ELOVL2: variants seen among roughly 807,000 people sequenced by gnomAD.
The protein encoded by ELOVL2 is very long chain fatty acid elongase 2.
ELOVL2 carries 38 observed loss-of-function variants against 37.7 expected under a neutral mutation model. That is an observed-to-expected ratio of 1.01 (90% CI 0.78 to 1.32). The LOEUF (loss-of-function observed/expected upper bound fraction) is 1.32, where lower values mean the gene tolerates loss of function less well. ELOVL2 is among the 40% of genes most tolerant of loss of function. ELOVL2 has a pLI of 0.00. For synonymous variants in ELOVL2, 115 were observed against 122.3 expected, an observed-to-expected ratio of 0.94 and a Z score of 0.40; for missense variants, 352 against 363.6, an observed-to-expected ratio of 0.97 and a Z score of 0.26.
chr6:10,989,830 A>C lies in ELOVL2; in HGVS notation c.638T>G (p.Phe213Cys). Residue 213 changes from phenylalanine (F) to cysteine (C), a missense_variant, in exon 7 of 8, where the codon TTC (phenylalanine) becomes TGC (cysteine). By Grantham distance (205) the Phe-to-Cys change is radical. Transcript: ENST00000354666. Reference protein sequence around the residue: ...KYLTQAQLVQFVLTITHTMSA... With the variant: ...KYLTQAQLVQCVLTITHTMSA... ...CATGGTGTGCGTGATGGTGAGCACGAACTGCACCTGGGGACGGCAGAGAGG... is the reference window on the plus strand; with the variant it reads ...CATGGTGTGCGTGATGGTGAGCACGCACTGCACCTGGGGACGGCAGAGAGG... 2 of 1,614,166 alleles carry C rather than the reference A, an allele frequency of 1.2e-6. No homozygotes were observed. Among genetic ancestry groups the C allele is most frequent in the South Asian group, 2.2e-5 (2 of 91,080 alleles).
At chr6:11,039,209 T>C (rs982442143) in intron 1 of ELOVL2, among the ~76,000 whole-genome samples, 1 of 152,228 alleles carries the variant, frequency 6.6e-6, no homozygotes, top group Non-Finnish European at 1.5e-5. Flanking sequence ...GTAAACAGTG[T>C]CTCAAAGCAA....
intron 1 of ELOVL2, among the ~76,000 whole-genome samples, chr6:11,025,361 A>T (rs972069759): frequency 3.9e-5 from 6 of 152,224 alleles, no homozygotes; most frequent in Admixed American, 3.9e-4. Flanking sequence ...GCCAATGTCT[A>T]AAGTATGTAA....
intron 3 of ELOVL2, among the ~76,000 whole-genome samples, chr6:11,005,091 G>A (rs1473421127): frequency 6.6e-6 from 1 of 152,046 alleles, no homozygotes; most frequent in Non-Finnish European, 1.5e-5. Flanking sequence ...CCTGGGAGGC[G>A]GAGGCTGCAG....
chr6:11,032,142 T>C (rs1349121223), intron 1 of ELOVL2, among the ~76,000 whole-genome samples: 1 of 152,216 alleles, frequency 6.6e-6, no homozygotes, highest in Non-Finnish European at 1.5e-5. Context: ...TTCTGTGCTT[T>C]AGTTTTGTTA....
chr6:10,985,828 C>T (rs1157996495), intron 7 of ELOVL2, among the ~76,000 whole-genome samples: 1 of 152,088 alleles, frequency 6.6e-6, no homozygotes, highest in African/African-American at 2.4e-5. Context: ...CTTGGCGATG[C>T]AGGCTCTTTT....
At chr6:10,991,424 ATTGAT>A (rs899443472) in intron 5 of ELOVL2, among the ~76,000 whole-genome samples, 15 of 108,818 alleles carry the variant, frequency 1.4e-4, no homozygotes, top group African/African-American at 5.3e-4. Context: ...CCTTGGAGAC[ATTGAT>A]TTGACGTAAA....
At chr6:11,035,463 A>G (rs929162132) in intron 1 of ELOVL2, among the ~76,000 whole-genome samples, 4 of 152,110 alleles carry the variant, frequency 2.6e-5, no homozygotes, top group Non-Finnish European at 5.9e-5. Flanking sequence ...CCTTTCACAC[A>G]ATCGGTTTCA....
chr6:10,998,974 G>A lies in ELOVL2; in HGVS notation c.333+1113C>T, dbSNP rs115611994. Among the ~76,000 whole-genome samples the A allele has an allele frequency of 8.4e-3, 1,272 of 151,564 alleles. 24 individuals carry two copies. The highest frequency in any genetic ancestry group is 0.03 in the African/African-American group (1,225 of 41,290). Reference sequence around the variant, plus strand: ...TCTCTTTTTTTCCATGTTTCAAATCGAAGTGCCTACAGATATTAACATTAT... The same window carrying A: ...TCTCTTTTTTTCCATGTTTCAAATCAAAGTGCCTACAGATATTAACATTAT... On this transcript the variant is annotated intron_variant, in intron 4 of 7. Coordinates refer to ENST00000354666, the MANE Select transcript of ELOVL2 (RefSeq NM_017770.4).
At chr6:11,007,232 C>T (rs956822589) in intron 2 of ELOVL2, among the ~76,000 whole-genome samples, 1 of 152,188 alleles carries the variant, frequency 6.6e-6, no homozygotes, top group African/African-American at 2.4e-5. Context: ...GTGTCCCCCA[C>T]GAAGATGCCT....
At position 10,982,596 on chromosome 6, in the gene ELOVL2, A is replaced by G. The variant is rs1781958961; in HGVS notation, c.*1185T>C. On this transcript the variant is annotated 3_prime_UTR_variant, in exon 8 of 8. Transcript: ENST00000354666. ...GAAATACTCATTAATACTTTTGTCT[A>G]CTTTTGTGCTTGCTTCTCGGTAGAG... 1 of 152,124 alleles carries G rather than the reference A, an allele frequency of 6.6e-6. No individual in the cohort carries two copies. The allele number at this position is 152,124 out of a possible 1,614,324, so 9.4% of individuals were successfully genotyped here. A position where few individuals can be genotyped will look rare whatever the true frequency, so the allele number is the denominator to read the frequency against.
chr6:11,020,820 C>G (rs1355583723), intron 1 of ELOVL2, among the ~76,000 whole-genome samples: 1 of 152,132 alleles, frequency 6.6e-6, no homozygotes, highest in Non-Finnish European at 1.5e-5. Context: ...GGTCCAGTGA[C>G]AAACTCATTA....
In ELOVL2 at chr6:11,001,700, G is replaced by A. The variant is rs955728746; in HGVS notation, c.256-1536C>T. Among the ~76,000 whole-genome samples, 5 of 152,134 alleles carry A rather than the reference G, an allele frequency of 3.3e-5. No homozygotes were observed. The South Asian group carries it at 8.3e-4, about 25-fold the overall frequency. The stretch of plus-strand genomic sequence containing the variant: ...ATTTATCCGGGCTGTCCCCATTCCT[G>A]TGGCATCTGTGCAGAACTACCTGAC... On this transcript the variant is annotated intron_variant, in intron 3 of 7. Transcript: ENST00000354666.
chr6:10,985,895 G>T (rs557821831), intron 7 of ELOVL2, among the ~76,000 whole-genome samples: 2,524 of 152,096 alleles, frequency 0.017, 61 homozygotes, highest in African/African-American at 0.057. Flanking sequence ...AAAGTCATTG[G>T]TAGCTTGATG....
chr6:11,029,248 AG>A (rs1782884245), intron 1 of ELOVL2, among the ~76,000 whole-genome samples: 2 of 141,794 alleles, frequency 1.4e-5, no homozygotes, highest in East Asian at 2.1e-4. Flanking sequence ...AAAAAAAAAA[AG>A]GTAGGCTGGC....
At chr6:10,996,392 T>C (rs1437239301) in intron 4 of ELOVL2, among the ~76,000 whole-genome samples, 1 of 152,210 alleles carries the variant, frequency 6.6e-6, no homozygotes, top group Non-Finnish European at 1.5e-5. Context: ...TTATTTGTAT[T>C]GCAGTTTTGA....
intron 7 of ELOVL2, among the ~76,000 whole-genome samples, chr6:10,986,026 A>C (rs1172443868): frequency 1.3e-5 from 2 of 152,082 alleles, no homozygotes; most frequent in Non-Finnish European, 2.9e-5. Context: ...TATTTCATTG[A>C]GCAGTGTTTT....
intron 1 of ELOVL2, among the ~76,000 whole-genome samples, chr6:11,017,272 T>A (rs978612356): frequency 2.0e-5 from 3 of 152,164 alleles, no homozygotes; most frequent in African/African-American, 7.2e-5. Flanking sequence ...GTTGGGTATC[T>A]TTCCCAATTT....
intron 5 of ELOVL2, among the ~76,000 whole-genome samples, chr6:10,993,430 A>G (rs1246035195): frequency 6.6e-6 from 1 of 151,916 alleles, no homozygotes; most frequent in Non-Finnish European, 1.5e-5. Flanking sequence ...TATATACATT[A>G]TCCAATTAAC....
At position 10,990,405 on chromosome 6, in the gene ELOVL2, A is replaced by T. The variant is rs762790029; in HGVS notation, c.543T>A (p.Ile181=). 1 of 1,611,042 alleles carries T rather than the reference A, an allele frequency of 6.2e-7. No homozygotes were observed. Among genetic ancestry groups the T allele is most frequent in the Admixed American group, 1.7e-5 (1 of 59,420 alleles). The change falls in exon 6 of 8, where the codon ATT becomes ATA. Residue 181 remains isoleucine, a synonymous_variant. Transcript: ENST00000354666. ...AAAGTCCATAGTAGGAGTACATAAG[A>T]ATGTGGATAAAACTGTTCAGTGTTG... ...FGPTLNSFIH[I]LMYSYYGLSV... is the part of the protein sequence containing the mutation.
Sources: allele counts gnomAD v4.1 joint callset (sites outside exome capture counted in the v4.1 genomes callset), GRCh38; gene constraint gnomAD v4.1.1; transcripts MANE v1.5; gene names NCBI Gene and HGNC (gene_info 2026-07-23, HGNC 2026-07-21).